Variants in TBCK observed in about 807,000 individuals in gnomAD.
TBCK encodes TBC1 domain containing kinase, also known as TBC domain-containing protein kinase-like protein.
In TBCK, 99 loss-of-function variants were observed where a neutral mutation model predicts 113.4. The observed-to-expected ratio is 0.87, with a 90% CI of 0.74 to 1.03. TBCK has a LOEUF of 1.03. Among genes scored for constraint, TBCK ranks in the 50% least tolerant of loss-of-function variants. TBCK has a pLI of 0.00. For missense variants in TBCK, 1,045 were observed against 1,061.3 expected, an observed-to-expected ratio of 0.98 and a Z score of 0.21; for synonymous variants, 369 against 370.8, an observed-to-expected ratio of 1.00 and a Z score of 0.05.
intron 25 of TBCK, among the ~76,000 whole-genome samples, chr4:106,054,812 T>C (rs1735201321): frequency 6.6e-6 from 1 of 151,672 alleles, no homozygotes; most frequent in Non-Finnish European, 1.5e-5. Flanking sequence ...GAGCAAATAG[T>C]AAGGAATCTG....
chr4:106,149,271 T>G (rs1228436477), intron 23 of TBCK, among the ~76,000 whole-genome samples: 1 of 152,226 alleles, frequency 6.6e-6, no homozygotes, highest in Admixed American at 6.5e-5. Flanking sequence ...TCGAGTAGCA[T>G]TTTTAATTTC....
In TBCK at chr4:106,062,223, A is replaced by G. The variant is rs1234290346; in HGVS notation, c.2572-15543T>C. Among the ~76,000 whole-genome samples the G allele has an allele frequency of 2.0e-5, 3 of 152,006 alleles. No individual in the cohort carries two copies. In the East Asian group the frequency reaches 5.8e-4, roughly 29 times the overall value. The stretch of plus-strand genomic sequence containing the variant: ...AGTCCTTCCAGAAATGGCTATGTGG[A>G]AATTTTTTTGAAAAGCAAACTATGA... On this transcript the variant is annotated intron_variant, in intron 25 of 25. Coordinates refer to ENST00000394708, the MANE Select transcript of TBCK (RefSeq NM_001163435.3).
intron 3 of TBCK, among the ~76,000 whole-genome samples, chr4:106,290,391 T>C (rs1257312641): frequency 1.3e-5 from 2 of 152,070 alleles, no homozygotes; most frequent in African/African-American, 4.8e-5. Context: ...GTTAGCCAGA[T>C]GGTCTCGATC....
intron 9 of TBCK, 24 bp from the exon 10 acceptor site, chr4:106,247,311 G>A: frequency 6.2e-7 from 1 of 1,604,508 alleles, no homozygotes; most frequent in Non-Finnish European, 8.5e-7. Context: ...AAAATACAGA[G>A]CATGAATGAA....
At chr4:106,281,704 T>C (rs891008243) in intron 3 of TBCK, among the ~76,000 whole-genome samples, 1 of 152,140 alleles carries the variant, frequency 6.6e-6, no homozygotes, top group Admixed American at 6.6e-5. Context: ...CTGTTGATAT[T>C]ATGCATCATG....
rs530329963 is a variant in TBCK, at chr4:106,280,736, T to C, written c.266+14358A>G. Among the ~76,000 whole-genome samples, 9 of 152,218 alleles carry C rather than the reference T, an allele frequency of 5.9e-5. No individual in the cohort carries two copies. In the South Asian group the frequency reaches 1.7e-3, roughly 28 times the overall value. On this transcript the variant is annotated intron_variant, in intron 3 of 25. Transcript: ENST00000394708. Reference sequence around the variant, plus strand: ...GACGCCTTTGGTAAAAATGAATTCATTGTAAATGTAAGGATTTGTTTCTGG... The same window carrying C: ...GACGCCTTTGGTAAAAATGAATTCACTGTAAATGTAAGGATTTGTTTCTGG...
At chr4:106,306,726 C>A (rs1767567077) in intron 2 of TBCK, among the ~76,000 whole-genome samples, 1 of 152,098 alleles carries the variant, frequency 6.6e-6, no homozygotes, top group African/African-American at 2.4e-5. Flanking sequence ...TGCTTCAAAG[C>A]TAGGTTTCTA....
chr4:106,315,390 C>T (rs1469445641), intron 1 of TBCK, among the ~76,000 whole-genome samples: 2 of 152,120 alleles, frequency 1.3e-5, no homozygotes, highest in African/African-American at 4.8e-5. Flanking sequence ...AATAAAATTT[C>T]ACATTTCTTC....
intron 17 of TBCK, among the ~76,000 whole-genome samples, chr4:106,232,604 T>C (rs986062982): frequency 6.6e-6 from 1 of 151,960 alleles, no homozygotes; most frequent in Admixed American, 6.6e-5. Context: ...TTAGAAATCA[T>C]TAACTATAAG....
At chr4:106,197,033 A>G (rs912386703) in intron 20 of TBCK, among the ~76,000 whole-genome samples, 5 of 152,168 alleles carry the variant, frequency 3.3e-5, no homozygotes, top group Non-Finnish European at 7.4e-5. Flanking sequence ...CAGACCAAAT[A>G]TATAAAACAA....
rs3832285 is a variant in TBCK at position 106,236,586 on chromosome 4, TC to T, written c.1221-68del. The T allele has an allele frequency of 6.8e-3, 8,907 of 1,310,180 alleles. 127 individuals are homozygous for T. The highest frequency in any genetic ancestry group is 0.061 in the East Asian group (2,170 of 35,682). The allele number at this position is 1,310,180 out of a possible 1,614,324, so 81.2% of individuals were successfully genotyped here. A position where few individuals can be genotyped will look rare whatever the true frequency, so the allele number is the denominator to read the frequency against. On this transcript the variant is annotated intron_variant, in intron 13 of 25. Coordinates refer to ENST00000394708, the MANE Select transcript of TBCK (RefSeq NM_001163435.3). Reference sequence around the variant, plus strand: ...AAAGGTACAAAATTTTCTTTTTTTTTCCTAACTCTACCAACAGTGATTTCAG... The same window carrying T: ...AAAGGTACAAAATTTTCTTTTTTTTTCTAACTCTACCAACAGTGATTTCAG...
intron 24 of TBCK, among the ~76,000 whole-genome samples, chr4:106,105,819 G>A (rs1056393355): frequency 2.6e-5 from 4 of 152,174 alleles, no homozygotes; most frequent in African/African-American, 9.7e-5. Flanking sequence ...AAGAACCAAT[G>A]CAAGAACTCC....
intron 25 of TBCK, among the ~76,000 whole-genome samples, chr4:106,077,062 C>T (rs1411910918): frequency 6.6e-6 from 1 of 152,086 alleles, no homozygotes; most frequent in East Asian, 1.9e-4. Context: ...GATTGTACTA[C>T]TGCACTCCAG....
At chr4:106,284,388 G>T (rs1048891324) in intron 3 of TBCK, among the ~76,000 whole-genome samples, 4 of 152,022 alleles carry the variant, frequency 2.6e-5, no homozygotes, top group African/African-American at 9.7e-5. Context: ...TGTTTTAACA[G>T]GGGAAAATAA....
chr4:106,088,252 A>G (rs1739748707), intron 25 of TBCK, among the ~76,000 whole-genome samples: 2 of 152,212 alleles, frequency 1.3e-5, no homozygotes, highest in African/African-American at 4.8e-5. Context: ...AAACATATTT[A>G]CAAGAAAAAA....
At position 106,307,646 on chromosome 4, in the gene TBCK, T is replaced by G. The variant is rs114608686; in HGVS notation, c.193+1122A>C. Reference sequence around the variant, plus strand: ...AAAAAGTTGAATATCACCAACTACATAGGGTTTACTTTCAGATTTTTTTAC... The same window carrying G: ...AAAAAGTTGAATATCACCAACTACAGAGGGTTTACTTTCAGATTTTTTTAC... On this transcript the variant is annotated intron_variant, in intron 2 of 25. Transcript: ENST00000394708. Among the ~76,000 whole-genome samples the G allele has an allele frequency of 5.7e-3, 867 of 152,252 alleles. 10 individuals are homozygous for G. The highest frequency in any genetic ancestry group is 0.02 in the African/African-American group (837 of 41,564).
At chr4:106,147,293 T>C (rs1179360295) in intron 23 of TBCK, among the ~76,000 whole-genome samples, 2 of 152,210 alleles carry the variant, frequency 1.3e-5, no homozygotes, top group African/African-American at 2.4e-5. Flanking sequence ...TCAATTTACT[T>C]TGCCCAGATT....
At chr4:106,113,772 C>T (rs1743144810) in intron 24 of TBCK, among the ~76,000 whole-genome samples, 1 of 152,172 alleles carries the variant, frequency 6.6e-6, no homozygotes, top group Non-Finnish European at 1.5e-5. Flanking sequence ...TAATTTGTTC[C>T]TTCCTATGCT....
intron 25 of TBCK, among the ~76,000 whole-genome samples, chr4:106,071,374 G>A (rs1737413454): frequency 6.6e-6 from 1 of 152,134 alleles, no homozygotes; most frequent in African/African-American, 2.4e-5. Context: ...TCATTCAGGA[G>A]CAGGTTGTTC....
Sources: gnomAD v4.1 joint callset for allele counts (sites outside exome capture counted in the v4.1 genomes callset) on GRCh38, gnomAD v4.1.1 for gene constraint, MANE v1.5 for transcripts, NCBI Gene and HGNC (gene_info 2026-07-23, HGNC 2026-07-21) for gene names.